GRID2: variants seen among roughly 807,000 people sequenced by gnomAD.
GRID2 encodes the protein glutamate ionotropic receptor delta type subunit 2.
GRID2 carries 33 observed loss-of-function variants against 114.8 expected under a neutral mutation model. The ratio of observed to expected loss-of-function variants is 0.29; its 90% CI spans 0.22 to 0.38. The LOEUF is 0.38. Ranked by LOEUF, GRID2 falls within the 10% of genes least tolerant of loss-of-function variation. GRID2 has a pLI of 1.00. For synonymous variants in GRID2, 505 were observed against 449.9 expected (o/e 1.12, Z -1.55); for missense variants, 1,184 against 1,257.7 (o/e 0.94, Z 0.89).
At chr4:92,585,428 CTT>C (rs1295760706) in intron 1 of GRID2, among the ~76,000 whole-genome samples, 2 of 151,590 alleles carry the variant, frequency 1.3e-5, no homozygotes, top group Admixed American at 6.6e-5. Flanking sequence ...GATCAGCTAT[CTT>C]TGATTTTATT....
chr4:92,861,094 A>T (rs1288778575), intron 2 of GRID2, among the ~76,000 whole-genome samples: 4 of 152,230 alleles, frequency 2.6e-5, no homozygotes, highest in East Asian at 1.9e-4. Flanking sequence ...CTAGATTATT[A>T]AATTATGGCT....
chr4:92,724,187 T>C (rs527385049), intron 2 of GRID2, among the ~76,000 whole-genome samples: 1 of 152,270 alleles, frequency 6.6e-6, no homozygotes, highest in South Asian at 2.1e-4. Flanking sequence ...CGGTACCTTC[T>C]GCTGCCAACA....
intron 3 of GRID2, among the ~76,000 whole-genome samples, chr4:93,099,205 C>G (rs536656736): frequency 6.6e-6 from 1 of 151,754 alleles, no homozygotes; most frequent in South Asian, 2.1e-4. Context: ...TACACATGTA[C>G]CTCCTTTTTT....
chr4:92,999,922 A>AAC (rs1249242654), intron 2 of GRID2, among the ~76,000 whole-genome samples: 4 of 151,802 alleles, frequency 2.6e-5, no homozygotes, highest in Non-Finnish European at 3.0e-5. Flanking sequence ...ATTCATCAGG[A>AAC]ACAGTTTGTC....
At chr4:93,783,909 A>G (rs931059673) in intron 1 of GRID2, among the ~76,000 whole-genome samples, 6 of 150,674 alleles carry the variant, frequency 4.0e-5, no homozygotes, top group Non-Finnish European at 7.4e-5. Flanking sequence ...CGTCTCTACT[A>G]AAAATACAAA....
At chr4:92,804,987 A>G (rs1267048186) in intron 2 of GRID2, among the ~76,000 whole-genome samples, 1 of 152,020 alleles carries the variant, frequency 6.6e-6, no homozygotes, top group Admixed American at 6.6e-5. Flanking sequence ...TAATACTTAT[A>G]CTGGCTAATA....
At chr4:93,304,376 T>C (rs1052490697) in intron 8 of GRID2, among the ~76,000 whole-genome samples, 1 of 151,498 alleles carries the variant, frequency 6.6e-6, no homozygotes, top group Non-Finnish European at 1.5e-5. Context: ...GTTAAAACAC[T>C]AGTCAAACAG....
chr4:92,438,284 A>G (rs558269101), intron 1 of GRID2, among the ~76,000 whole-genome samples: 1 of 152,296 alleles, frequency 6.6e-6, no homozygotes, highest in South Asian at 2.1e-4. Flanking sequence ...CTTTAAAAAA[A>G]GAAAGCAGAG....
chr4:92,718,081 C>A (rs1337951072), intron 2 of GRID2, among the ~76,000 whole-genome samples: 1 of 152,028 alleles, frequency 6.6e-6, no homozygotes, highest in Admixed American at 6.6e-5. Context: ...TTACAGTATG[C>A]ATGGCAGTAT....
intron 12 of GRID2, among the ~76,000 whole-genome samples, chr4:93,502,151 C>T (rs1019043415): frequency 4.6e-5 from 7 of 152,010 alleles, no homozygotes; most frequent in South Asian, 2.1e-4. Context: ...AGTTGGCAGC[C>T]GGGGCTGTTT....
chr4:93,283,385 G>A (rs1461821687), intron 8 of GRID2, among the ~76,000 whole-genome samples: 2 of 151,918 alleles, frequency 1.3e-5, no homozygotes, highest in African/African-American at 4.8e-5. Flanking sequence ...TATAATTCTA[G>A]CTCCCAAATT....
chr4:93,801,344 A>G lies in GRID2; in HGVS notation c.222-5371A>G, dbSNP rs140779055. Among the ~76,000 whole-genome samples the G allele has an allele frequency of 3.8e-3, 573 of 152,212 alleles. 6 individuals carry two copies. Among genetic ancestry groups the G allele is most frequent in the African/African-American group, 0.013 (532 of 41,574 alleles). On this transcript the variant is annotated intron_variant, in intron 1 of 1. Coordinates refer to the GRID2 transcript ENST00000637838. ...GTTTAATTTGAAAGTTTTAAGGTGA[A>G]TAAGTTTGTGTATGTGTAAACAAAC...
intron 2 of GRID2, among the ~76,000 whole-genome samples, chr4:92,871,852 T>G (rs1024222341): frequency 7.2e-5 from 11 of 152,222 alleles, no homozygotes; most frequent in African/African-American, 2.7e-4. Context: ...GGTTGCTTAA[T>G]TTAAATGAAA....
chr4:92,360,415 C>T lies in GRID2; in HGVS notation c.88+55671C>T, dbSNP rs542730782. Among the ~76,000 whole-genome samples, 7 of 151,742 alleles carry T rather than the reference C, an allele frequency of 4.6e-5. No homozygotes were observed. The East Asian group carries it at 7.8e-4, about 17-fold the overall frequency. ...CTGCCTGTTTATGCATTCATGAGTT[C>T]GAATAAAAACACAGGCAGATAAACA... is the stretch of plus-strand genomic sequence containing the variant. On this transcript the variant is annotated intron_variant, in intron 1 of 15. Transcript: ENST00000282020.
chr4:93,025,908 A>G (rs1723842054), intron 2 of GRID2, among the ~76,000 whole-genome samples: 1 of 151,774 alleles, frequency 6.6e-6, no homozygotes, highest in African/African-American at 2.4e-5. Context: ...TTTGAATTTT[A>G]GAAATGGAAC....
At chr4:93,014,256 A>C (rs1054744686) in intron 2 of GRID2, among the ~76,000 whole-genome samples, 1 of 152,098 alleles carries the variant, frequency 6.6e-6, no homozygotes, top group African/African-American at 2.4e-5. Flanking sequence ...CACCACCCAG[A>C]AGCCCTACCT....
chr4:92,768,602 C>A (rs1211524594), intron 2 of GRID2, among the ~76,000 whole-genome samples: 6 of 152,238 alleles, frequency 3.9e-5, no homozygotes, highest in Middle Eastern at 3.4e-3. Flanking sequence ...GGGTAATTTA[C>A]AAAATAAAGA....
chr4:93,497,242 C>T (rs1371729398), intron 12 of GRID2, among the ~76,000 whole-genome samples: 1 of 151,614 alleles, frequency 6.6e-6, no homozygotes, highest in African/African-American at 2.4e-5. Flanking sequence ...ATTAAGAGTT[C>T]TTCACATAGT....
chr4:93,168,263 A>G (rs930080214), intron 4 of GRID2, among the ~76,000 whole-genome samples: 5 of 151,944 alleles, frequency 3.3e-5, no homozygotes, highest in African/African-American at 1.2e-4. Flanking sequence ...AAGGGGAAGA[A>G]AGAAAGAGAA....
Sources: allele counts gnomAD v4.1 joint callset (sites outside exome capture counted in the v4.1 genomes callset), GRCh38; gene constraint gnomAD v4.1.1; transcripts MANE v1.5; gene names NCBI Gene and HGNC (gene_info 2026-07-23, HGNC 2026-07-21).